TPM3: variants seen among roughly 807,000 people sequenced by gnomAD.
TPM3 encodes tropomyosin alpha-3 chain.
A neutral mutation model predicts 43.1 loss-of-function variants in TPM3; 16 were observed. The observed-to-expected ratio is 0.37, with a 90% CI of 0.25 to 0.56. TPM3 has a LOEUF of 0.56. TPM3 is among the 20% of genes least tolerant of loss of function. TPM3 has a pLI of 0.77. For synonymous variants in TPM3, 101 were observed against 116.9 expected, an observed-to-expected ratio of 0.86 and a Z score of 0.88; for missense variants, 176 against 337.2, an observed-to-expected ratio of 0.52 and a Z score of 3.74.
chr1:154,189,289 C>T (rs1663568288), intron 2 of TPM3, among the ~76,000 whole-genome samples: 1 of 149,682 alleles, frequency 6.7e-6, no homozygotes, highest in Non-Finnish European at 1.5e-5. Flanking sequence ...TCGAGACCAG[C>T]ATGGCCAACA....
At chr1:154,170,813 A>G (rs1330325769) in intron 6 of TPM3, 102 bp from the exon 7 acceptor site, 1 of 837,652 alleles carries the variant, frequency 1.2e-6, no homozygotes, top group African/African-American at 1.7e-5. Flanking sequence ...CTTGCACTAA[A>G]TGTGCTGAAT....
intron 3 of TPM3, among the ~76,000 whole-genome samples, chr1:154,174,405 T>TACACACACAC (rs1198280346): frequency 1.1e-5 from 1 of 89,530 alleles, no homozygotes; most frequent in African/African-American, 5.4e-5. Context: ...TATATATATA[T>TACACACACAC]ATACACACAA....
rs377455144 is a variant in TPM3, at chr1:154,167,378, G to A, written c.*559C>T. 2.8e-6 allele frequency: 3 copies of A among 1,062,222 alleles called. No individual in the cohort carries two copies. Among genetic ancestry groups the A allele is most frequent in the South Asian group, 4.5e-5 (1 of 22,372 alleles). 65.8% of individuals were successfully genotyped at this position (1,062,222 alleles called of 1,614,324 possible). ...CCACCGGTAAAAGGGTACAGAATGTGTATTGAGAGTCACTTCAATGGCTTC... is the reference window on the plus strand; with the variant it reads ...CCACCGGTAAAAGGGTACAGAATGTATATTGAGAGTCACTTCAATGGCTTC... On this transcript the variant is annotated 3_prime_UTR_variant, in exon 10 of 10. Transcript: ENST00000651641.
At position 154,164,456 on chromosome 1, in the gene TPM3, G is replaced by A. The variant is rs753333464; in HGVS notation, c.*3481C>T. Among the ~76,000 whole-genome samples, 14 of 152,098 alleles carry A rather than the reference G, an allele frequency of 9.2e-5. No homozygotes were observed. Among genetic ancestry groups the A allele is most frequent in the Admixed American group, 1.3e-4 (2 of 15,270 alleles). ...ATTACAGGCATGAGCCACTGCACCCGGCTAATTCTCCTACTCTAAAAACCA... is the reference window on the plus strand; with the variant it reads ...ATTACAGGCATGAGCCACTGCACCCAGCTAATTCTCCTACTCTAAAAACCA... On this transcript the variant is annotated 3_prime_UTR_variant, in exon 10 of 10. Coordinates refer to ENST00000651641, the MANE Select transcript of TPM3 (RefSeq NM_152263.4).
chr1:154,170,467 T>C lies in TPM3; in HGVS notation c.708A>G (p.Ala236=), dbSNP rs373670110. 3.7e-6 allele frequency: 6 copies of C among 1,614,192 alleles called. No homozygotes were observed. The highest frequency in any genetic ancestry group is 4.2e-6 in the Non-Finnish European group (5 of 1,180,026). Residue 236 remains alanine, a splice_region_variant and synonymous_variant, in exon 8 of 10, where the codon GCA becomes GCG. Transcript: ENST00000651641. The part of the protein sequence containing the change: ...IKILTDKLKE[A]ETRAEFAERS... ...TCTCAGCAAACTCAGCACGGGTCTCTGCCTGGGGGAAATATGAAATTAGTC... is the reference window on the plus strand; with the variant it reads ...TCTCAGCAAACTCAGCACGGGTCTCCGCCTGGGGGAAATATGAAATTAGTC...
At chr1:154,188,265 A>G (rs1663499728) in intron 2 of TPM3, among the ~76,000 whole-genome samples, 1 of 151,644 alleles carries the variant, frequency 6.6e-6, no homozygotes, top group Non-Finnish European at 1.5e-5. Flanking sequence ...TATGTTCCCC[A>G]GGCTGGTCTT....
intron 9 of TPM3, among the ~76,000 whole-genome samples, chr1:154,168,762 G>C (rs1661257340): frequency 6.6e-6 from 1 of 152,048 alleles, no homozygotes; most frequent in Non-Finnish European, 1.5e-5. Flanking sequence ...CTGGCCTCGA[G>C]TCATCCGCCC....
Position 154,171,815 on chromosome 1 carries a change from C to T in TPM3, c.567-327G>A, listed in dbSNP as rs750643647. The T allele has an allele frequency of 9.1e-6, 6 of 662,962 alleles. No homozygotes were observed. In the African/African-American group the frequency reaches 1.1e-4, roughly 12 times the overall value. 41.1% of individuals were successfully genotyped at this position (662,962 alleles called of 1,614,324 possible). A position where few individuals can be genotyped will look rare whatever the true frequency, so the allele number is the denominator to read the frequency against. ...CCAACCCAAACAGTCCCCCAAATCA[C>T]CCAAAGGAAGGAGACCCTGTGGAGA... On this transcript the variant is annotated intron_variant, in intron 5 of 9. Coordinates refer to ENST00000651641, the MANE Select transcript of TPM3 (RefSeq NM_152263.4).
chr1:154,181,257 G>C (rs566053149), intron 2 of TPM3, among the ~76,000 whole-genome samples: 72 of 152,284 alleles, frequency 4.7e-4, no homozygotes, highest in African/African-American at 1.6e-3. Flanking sequence ...ATAAAAATAA[G>C]TGAGTATTCC....
At position 154,182,903 on chromosome 1, in the gene TPM3, G is replaced by A. The variant is rs541298353; in HGVS notation, c.244-6655C>T. On this transcript the variant is annotated intron_variant, in intron 2 of 9. Transcript: ENST00000651641. ...CGAGCCCGCCGGCCTTCAGAGGACC[G>A]TGCTCCACGGCAAAAGGGACCTTAT... 106 of 1,597,660 alleles carry A rather than the reference G, an allele frequency of 6.6e-5. 2 individuals are homozygous for A. In the South Asian group the frequency reaches 1.1e-3, roughly 17 times the overall value.
chr1:154,174,407 T>TATACAC (rs1261318136), intron 3 of TPM3, among the ~76,000 whole-genome samples: 825 of 72,578 alleles, frequency 0.011, 12 homozygotes, highest in Non-Finnish European at 0.014. Context: ...TATATATATA[T>TATACAC]ACACACAAAA....
intron 8 of TPM3, chr1:154,169,940 A>G (rs538260029): frequency 4.1e-6 from 1 of 244,056 alleles, no homozygotes; most frequent in African/African-American, 2.3e-5. Context: ...GTATTTAGAA[A>G]GCTCCTGACA....
downstream of TPM3, chr1:154,155,547 G>C (rs1659713004): frequency 4.2e-6 from 1 of 235,686 alleles, no homozygotes; most frequent in Non-Finnish European, 8.4e-6. Context: ...CCAGAATGCA[G>C]GAAATGCCAG....
chr1:154,175,723 T>C (rs561052274), intron 3 of TPM3, among the ~76,000 whole-genome samples: 1 of 152,358 alleles, frequency 6.6e-6, no homozygotes, highest in South Asian at 2.1e-4. Flanking sequence ...GTGATCCCAT[T>C]TTAAGGATCA....
In TPM3 at chr1:154,176,121, C is replaced by T; in HGVS notation, c.371G>A (p.Ser124Asn). ...ATCAGGCTTCCCTACACACCTCTCA[C>T]TCTCATCAGCAGCTTTTTCAGCTTC... is the stretch of plus-strand genomic sequence containing the variant. ...LEEAEKAADE[S>N]ERGMKVIENR... Residue 124 changes from serine to asparagine, a missense_variant, in exon 3 of 10, where the codon AGT becomes AAT. Around this residue, in one of 4 missense-constraint regions of TPM3, gnomAD observed 82 missense variants for 148.8 expected, o/e 0.55. Coordinates refer to ENST00000651641, the MANE Select transcript of TPM3 (RefSeq NM_152263.4). The T allele has an allele frequency of 1.2e-6, 2 of 1,613,744 alleles. No homozygotes were observed. Among genetic ancestry groups the T allele is most frequent in the Non-Finnish European group, 1.7e-6 (2 of 1,180,042 alleles).
chr1:154,155,972 G>A (rs570659010), downstream of TPM3: 31 of 184,734 alleles, frequency 1.7e-4, 1 homozygote, highest in South Asian at 5.5e-3. Context: ...GCTCACGCCC[G>A]TAATCCCAGC....
chr1:154,189,019 C>G (rs1457722716), intron 2 of TPM3, among the ~76,000 whole-genome samples: 3 of 151,180 alleles, frequency 2.0e-5, no homozygotes, highest in Non-Finnish European at 4.4e-5. Flanking sequence ...GTAATCCCAG[C>G]TACTCAGGAG....
chr1:154,170,937 A>G, intron 6 of TPM3: 1 of 585,290 alleles, frequency 1.7e-6, no homozygotes, highest in African/African-American at 1.9e-5. Context: ...ACTTTTTAAG[A>G]TGGATCTAAG....
At position 154,167,779 on chromosome 1, in the gene TPM3, G is replaced by A; in HGVS notation, c.*158C>T. The A allele has an allele frequency of 1.3e-6, 2 of 1,546,156 alleles. No individual in the cohort carries two copies. Among genetic ancestry groups the A allele is most frequent in the Non-Finnish European group, 1.7e-6 (2 of 1,144,938 alleles). On this transcript the variant is annotated 3_prime_UTR_variant, in exon 10 of 10. Coordinates refer to ENST00000651641, the MANE Select transcript of TPM3 (RefSeq NM_152263.4). ...CAGCTTAACATTTTAATTTGGGGTG[G>A]GGGTGGAAGAAAATACATAAGTTGC...
Sources: allele counts gnomAD v4.1 joint callset (sites outside exome capture counted in the v4.1 genomes callset), GRCh38; gene constraint gnomAD v4.1.1; regional missense constraint gnomAD v4.1.1; transcripts MANE v1.5; gene names NCBI Gene and HGNC (gene_info 2026-07-23, HGNC 2026-07-21).